Variants in STK24 observed in about 807,000 individuals in gnomAD.
STK24 encodes the protein serine/threonine kinase 24.
Under a neutral mutation model 55.6 loss-of-function variants are expected in STK24, and 21 were observed. The observed-to-expected ratio is 0.38, with a 90% CI of 0.27 to 0.54. STK24 has a LOEUF of 0.54. Ranked by LOEUF, STK24 falls within the 20% of genes least tolerant of loss-of-function variation. The pLI is 0.79. For missense variants in STK24, 383 were observed against 538.4 expected, an observed-to-expected ratio of 0.71 and a Z score of 2.86; for synonymous variants, 200 against 215.2, an observed-to-expected ratio of 0.93 and a Z score of 0.62.
At chr13:98,464,856 A>C (rs1404653280) in intron 6 of STK24, among the ~76,000 whole-genome samples, 1 of 152,152 alleles carries the variant, frequency 6.6e-6, no homozygotes, top group African/African-American at 2.4e-5. Flanking sequence ...AGAAATGTCA[A>C]TTTGGAATTA....
intron 2 of STK24, among the ~76,000 whole-genome samples, chr13:98,491,213 C>G (rs1182020375): frequency 6.6e-6 from 1 of 152,218 alleles, no homozygotes; most frequent in Non-Finnish European, 1.5e-5. Context: ...TCCCTGCGAG[C>G]AATGCCTTCT....
At chr13:98,552,101 C>T (rs1318301781) in intron 1 of STK24, among the ~76,000 whole-genome samples, 1 of 152,150 alleles carries the variant, frequency 6.6e-6, no homozygotes, top group East Asian at 1.9e-4. Context: ...ACATTAGTTA[C>T]CCCTGGGGAA....
At chr13:98,488,897 C>T (rs1213424216) in intron 2 of STK24, among the ~76,000 whole-genome samples, 1 of 152,246 alleles carries the variant, frequency 6.6e-6, no homozygotes, top group Admixed American at 6.5e-5. Context: ...CTGCTCTGCA[C>T]CTGAAATGCC....
intron 1 of STK24, among the ~76,000 whole-genome samples, chr13:98,566,010 C>A (rs1046313478): frequency 6.6e-6 from 1 of 152,162 alleles, no homozygotes; most frequent in Non-Finnish European, 1.5e-5. Context: ...GGGGTGGCAG[C>A]CAAGGTCAGC....
intron 1 of STK24, among the ~76,000 whole-genome samples, chr13:98,567,060 C>A (rs191104284): frequency 6.6e-6 from 1 of 152,324 alleles, no homozygotes; most frequent in East Asian, 1.9e-4. Flanking sequence ...TAAAATTCTA[C>A]CCAAGAAAGT....
At chr13:98,571,179 A>G (rs1897730504) in intron 1 of STK24, among the ~76,000 whole-genome samples, 2 of 152,212 alleles carry the variant, frequency 1.3e-5, no homozygotes, top group African/African-American at 4.8e-5. Context: ...CACAGCAGAA[A>G]GTAGCAGTGA....
chr13:98,576,076 C>CCCGGGA (rs1897882065), intron 1 of STK24: 1 of 984,882 alleles, frequency 1.0e-6, no homozygotes, highest in Non-Finnish European at 1.2e-6. Context: ...CGGGGCCGGG[C>CCCGGGA]CCGGGACCCT....
intron 1 of STK24, among the ~76,000 whole-genome samples, chr13:98,548,154 AC>A (rs1340158144): frequency 1.3e-5 from 2 of 152,166 alleles, no homozygotes; most frequent in Non-Finnish European, 2.9e-5. Context: ...TAGTTTACTC[AC>A]CTGTAAAAAA....
chr13:98,500,552 G>A (rs1895413730), intron 2 of STK24, among the ~76,000 whole-genome samples: 1 of 152,132 alleles, frequency 6.6e-6, no homozygotes, highest in South Asian at 2.1e-4. Flanking sequence ...GAGACCAGGT[G>A]GCACCTACTA....
At position 98,447,940 on chromosome 13, in the gene STK24, G is replaced by A. The variant is rs1369352435; in HGVS notation, c.*5233C>T. 2 of 444,622 alleles carry A rather than the reference G, an allele frequency of 4.5e-6. No individual in the cohort carries two copies. Among genetic ancestry groups the A allele is most frequent in the South Asian group, 3.0e-5 (1 of 32,956 alleles). 27.5% of individuals were successfully genotyped at this position (444,622 alleles called of 1,614,324 possible). ...TCTGCCATGTCCATGAAAATAGGAG[G>A]TAGCGTTCTCCCCAGCAACCAGAGG... is the stretch of plus-strand genomic sequence containing the variant. On this transcript the variant is annotated 3_prime_UTR_variant, in exon 11 of 11. Coordinates refer to ENST00000539966, the MANE Select transcript of STK24 (RefSeq NM_001032296.4).
Position 98,519,383 on chromosome 13 carries a change from G to A in STK24, c.133C>T (p.Arg45Trp), listed in dbSNP as rs753081866. Residue 45 changes from arginine (R) to tryptophan (W), a missense_variant, in exon 2 of 11, where the codon CGG becomes TGG. Arg to Trp is a moderately radical substitution (Grantham distance 101, BLOSUM62 -3). Transcript: ENST00000539966. ...FGEVFKGIDNRTQKVVAIKII... is the reference protein window; with the variant it reads ...FGEVFKGIDNWTQKVVAIKII... ...TTTATGGCAACCACTTTCTGAGTCCGATTGTCAATGCCTTTGAACACCTCT... is the reference window on the plus strand; with the variant it reads ...TTTATGGCAACCACTTTCTGAGTCCAATTGTCAATGCCTTTGAACACCTCT... The A allele has an allele frequency of 9.3e-6, 15 of 1,614,030 alleles. No homozygotes were observed. The highest frequency in any genetic ancestry group is 1.7e-5 in the Admixed American group (1 of 60,000).
intron 2 of STK24, among the ~76,000 whole-genome samples, chr13:98,510,373 C>T (rs145559876): frequency 6.6e-6 from 1 of 152,340 alleles, no homozygotes; most frequent in Non-Finnish European, 1.5e-5. Flanking sequence ...GATACTGGAA[C>T]CCAATTCAGA....
chr13:98,475,790 A>G (rs1440141482), intron 3 of STK24, among the ~76,000 whole-genome samples: 1 of 152,204 alleles, frequency 6.6e-6, no homozygotes, highest in African/African-American at 2.4e-5. Flanking sequence ...TCACTCCAGG[A>G]AACGAACAGC....
rs1289053219 is a variant in STK24, at chr13:98,447,580, C to G, written c.*5593G>C. The G allele has an allele frequency of 6.6e-6, 1 of 152,516 alleles. No homozygotes were observed. The highest frequency in any genetic ancestry group is 6.5e-5 in the Admixed American group (1 of 15,296). The allele number at this position is 152,516 out of a possible 1,614,324, so 9.4% of individuals were successfully genotyped here. A position where few individuals can be genotyped will look rare whatever the true frequency, so the allele number is the denominator to read the frequency against. ...GGCATCCCTGGCCACCCACTAGATG[C>G]CCGCAGCAACCCCTCAGTTGGGACA... On this transcript the variant is annotated 3_prime_UTR_variant, in exon 11 of 11. Transcript: ENST00000539966.
At chr13:98,551,407 T>C (rs1259120629) in intron 1 of STK24, among the ~76,000 whole-genome samples, 3 of 151,842 alleles carry the variant, frequency 2.0e-5, no homozygotes, top group Non-Finnish European at 4.4e-5. Context: ...TTCTGAGTTA[T>C]CTAATCCATT....
intron 2 of STK24, among the ~76,000 whole-genome samples, chr13:98,487,790 T>C (rs534556902): frequency 1.0e-3 from 159 of 152,262 alleles, no homozygotes; most frequent in African/African-American, 3.4e-3. Context: ...GGAAGAGCTG[T>C]ACATTTGTCA....
chr13:98,553,970 G>A (rs1325915634), intron 1 of STK24, among the ~76,000 whole-genome samples: 3 of 151,716 alleles, frequency 2.0e-5, no homozygotes, highest in Admixed American at 6.6e-5. Context: ...GCTGAGGCAG[G>A]AGAACTGCTT....
chr13:98,539,470 C>T (rs979489159), intron 1 of STK24, among the ~76,000 whole-genome samples: 4 of 81,370 alleles, frequency 4.9e-5, no homozygotes, highest in African/African-American at 3.8e-5. Context: ...TTTAAAACAT[C>T]ACAAGTCAGC....
chr13:98,550,423 C>T (rs1412104620), intron 1 of STK24, among the ~76,000 whole-genome samples: 4 of 152,044 alleles, frequency 2.6e-5, no homozygotes, highest in East Asian at 1.9e-4. Context: ...CCTGCTACTT[C>T]GAAGGTGAGG....
Sources: gnomAD v4.1 joint callset for allele counts (sites outside exome capture counted in the v4.1 genomes callset) on GRCh38, gnomAD v4.1.1 for gene constraint, MANE v1.5 for transcripts, NCBI Gene and HGNC (gene_info 2026-07-23, HGNC 2026-07-21) for gene names.